TIMP2: variants seen among roughly 807,000 people sequenced by gnomAD.
TIMP2 encodes metalloproteinase inhibitor 2.
In TIMP2, 5 loss-of-function variants were observed where a neutral mutation model predicts 24.3. The ratio of observed to expected loss-of-function variants is 0.21; its 90% confidence interval spans 0.11 to 0.43. TIMP2 has a LOEUF of 0.43. Among genes scored for constraint, TIMP2 ranks in the 20% least tolerant of loss-of-function variants. The pLI is 1.00. For synonymous variants in TIMP2, 130 were observed against 123.2 expected (o/e 1.06, Z -0.37); for missense variants, 221 against 297.5 (o/e 0.74, Z 1.89).
intron 1 of TIMP2, among the ~76,000 whole-genome samples, chr17:78,903,925 GT>G (rs2070131648): frequency 6.6e-6 from 1 of 151,958 alleles, no homozygotes; most frequent in Admixed American, 6.6e-5. Flanking sequence ...GTCAAGATAT[GT>G]TTTTTGTTTG....
chr17:78,864,112 G>A (rs1236032214), intron 3 of TIMP2, among the ~76,000 whole-genome samples: 3 of 151,998 alleles, frequency 2.0e-5, no homozygotes, highest in African/African-American at 4.8e-5. Context: ...ACAGGGTCCC[G>A]CCCTGCCACC....
chr17:78,858,437 A>G (rs2069542651), intron 3 of TIMP2, among the ~76,000 whole-genome samples: 1 of 151,936 alleles, frequency 6.6e-6, no homozygotes, highest in African/African-American at 2.4e-5. Flanking sequence ...CGACAGAGCG[A>G]GACTCAGTCT....
Position 78,855,719 on chromosome 17 carries a change from T to C in TIMP2, c.611A>G (p.Tyr204Cys). 1 of 1,613,966 alleles carries C rather than the reference T, an allele frequency of 6.2e-7. No individual in the cohort carries two copies. The highest frequency in any genetic ancestry group is 8.5e-7 in the Non-Finnish European group (1 of 1,179,936). ...CTGCTTGGGGGGCGCCGCGCCGCGG[T>C]ACCACGCACAGGAGCCGTCACTTCT... ...IKRSDGSCAW[Y>C]RGAAPPKQEF... The change falls in exon 5 of 5, where the codon TAC (tyrosine) becomes TGC (cysteine). Residue 204 changes from tyrosine to cysteine, a missense_variant. Coordinates refer to ENST00000262768, the MANE Select transcript of TIMP2 (RefSeq NM_003255.5). The surrounding 1 kb of genome is among the most constrained non-coding windows in gnomAD (Gnocchi z 6.0).
In TIMP2 at chr17:78,855,186, C is replaced by A; in HGVS notation, c.*481G>T. ...GAGCACTTGCCAGGGGCAGGGAGTG[C>A]AGAGGCGTGGAAGCTGCAGAAAACA... On this transcript the variant is annotated 3_prime_UTR_variant, in exon 5 of 5. Transcript: ENST00000262768. The surrounding 1 kb of genome is among the most constrained non-coding windows in gnomAD (Gnocchi z 6.0). The A allele has an allele frequency of 5.9e-6, 1 of 170,604 alleles. No individual in the cohort carries two copies. Among genetic ancestry groups the A allele is most frequent in the Non-Finnish European group, 1.3e-5 (1 of 77,050 alleles). The allele number at this position is 170,604 out of a possible 1,614,324, so 10.6% of individuals were successfully genotyped here.
Position 78,924,626 on chromosome 17 carries a change from G to C in TIMP2, c.130+333C>G, listed in dbSNP as rs113884354. On this transcript the variant is annotated intron_variant, in intron 1 of 4. Coordinates refer to ENST00000262768, the MANE Select transcript of TIMP2 (RefSeq NM_003255.5). The surrounding 1 kb of genome is among the most constrained non-coding windows in gnomAD (Gnocchi z 5.3). ...CCCGCCCCCACGCCGTGTCCCCCAC[G>C]CTCCCCGCCCCCAGCGCTGGCATCC... is the stretch of plus-strand genomic sequence containing the variant. 6.7e-6 allele frequency among the ~76,000 whole-genome samples: 1 copy of C among 148,532 alleles called. No individual in the cohort carries two copies. Among genetic ancestry groups the C allele is most frequent in the African/African-American group, 2.4e-5 (1 of 40,880 alleles).
chr17:78,891,537 C>A lies in TIMP2; in HGVS notation c.131-17618G>T. The A allele has an allele frequency of 6.4e-7, 1 of 1,551,054 alleles. No homozygotes were observed. Among genetic ancestry groups the A allele is most frequent in the South Asian group, 1.2e-5 (1 of 84,062 alleles). On this transcript the variant is annotated intron_variant, in intron 1 of 4. Coordinates refer to ENST00000262768, the MANE Select transcript of TIMP2 (RefSeq NM_003255.5). The surrounding 1 kb of genome is among the most constrained non-coding windows in gnomAD (Gnocchi z 4.5). ...AGCGTGCACTGAGATGCTGGGGACACGGCTTCCCTTCTGCAGCTGGAATCA... is the reference window on the plus strand; with the variant it reads ...AGCGTGCACTGAGATGCTGGGGACAAGGCTTCCCTTCTGCAGCTGGAATCA...
chr17:78,894,602 A>C (rs1311069417), intron 1 of TIMP2, among the ~76,000 whole-genome samples: 1 of 152,152 alleles, frequency 6.6e-6, no homozygotes, highest in Non-Finnish European at 1.5e-5. Context: ...TTGGATATCC[A>C]CAGGCAAAAA....
intron 3 of TIMP2, among the ~76,000 whole-genome samples, chr17:78,870,137 C>T (rs954906055): frequency 1.4e-4 from 21 of 152,118 alleles, no homozygotes; most frequent in African/African-American, 2.2e-4. Flanking sequence ...AATGGTTGGC[C>T]GGGCGCGGTG....
At chr17:78,901,306 A>G (rs909546287) in intron 1 of TIMP2, 1 of 158,490 alleles carries the variant, frequency 6.3e-6, no homozygotes, top group African/African-American at 2.4e-5. Flanking sequence ...TTCAAAATCA[A>G]TAAAACCGTG....
chr17:78,923,234 G>GGAGGCAC (rs2070321280), intron 1 of TIMP2, among the ~76,000 whole-genome samples: 1 of 151,962 alleles, frequency 6.6e-6, no homozygotes, highest in African/African-American at 2.4e-5. Context: ...GAAGGAGGCG[G>GGAGGCAC]GAGGCACGCA....
intron 1 of TIMP2, among the ~76,000 whole-genome samples, chr17:78,884,899 G>A (rs2069812048): frequency 6.6e-6 from 1 of 152,232 alleles, no homozygotes; most frequent in African/African-American, 2.4e-5. Context: ...AGGGCTTGAA[G>A]GGGAAGGGAG....
intron 3 of TIMP2, among the ~76,000 whole-genome samples, chr17:78,870,167 C>A (rs2069664252): frequency 6.6e-6 from 1 of 151,888 alleles, no homozygotes; most frequent in South Asian, 2.1e-4. Flanking sequence ...TGTAATCCTG[C>A]CACTTTGGGA....
intron 1 of TIMP2, among the ~76,000 whole-genome samples, chr17:78,882,762 C>A (rs1462299443): frequency 6.6e-6 from 1 of 152,250 alleles, no homozygotes; most frequent in Non-Finnish European, 1.5e-5. Context: ...CCTCTCCCAA[C>A]GGAACTGCCC....
chr17:78,866,705 T>G (rs1490701155), intron 3 of TIMP2, among the ~76,000 whole-genome samples: 1 of 152,020 alleles, frequency 6.6e-6, no homozygotes, highest in Non-Finnish European at 1.5e-5. Context: ...GAATACTCAG[T>G]CATAGAAAGG....
intron 3 of TIMP2, among the ~76,000 whole-genome samples, chr17:78,863,036 G>A (rs957201921): frequency 1.8e-4 from 27 of 152,282 alleles, no homozygotes; most frequent in Admixed American, 3.9e-4. Flanking sequence ...GCGCAGTGCC[G>A]TTGAACGATT....
At chr17:78,886,700 G>C (rs184696161) in intron 1 of TIMP2, among the ~76,000 whole-genome samples, 26 of 152,258 alleles carry the variant, frequency 1.7e-4, no homozygotes, top group African/African-American at 5.5e-4. Flanking sequence ...AGGATAGAAA[G>C]AAACCAGGCT....
At chr17:78,923,286 C>G (rs1292677341) in intron 1 of TIMP2, among the ~76,000 whole-genome samples, 3 of 151,812 alleles carry the variant, frequency 2.0e-5, no homozygotes, top group Non-Finnish European at 4.4e-5. Flanking sequence ...CCACACCCCA[C>G]GCAGAAACAG....
chr17:78,901,794 C>T, intron 1 of TIMP2: 1 of 717,210 alleles, frequency 1.4e-6, no homozygotes, highest in Non-Finnish European at 2.6e-6. Flanking sequence ...CTGTGTGTGT[C>T]TCCAGATGAC....
chr17:78,862,108 G>A (rs984955644), intron 3 of TIMP2, among the ~76,000 whole-genome samples: 1 of 152,190 alleles, frequency 6.6e-6, no homozygotes, highest in African/African-American at 2.4e-5. Flanking sequence ...TTTTGGAGAA[G>A]AGGAATGTAG....
Sources: allele counts gnomAD v4.1 joint callset (sites outside exome capture counted in the v4.1 genomes callset), GRCh38; gene constraint gnomAD v4.1.1; non-coding constraint Gnocchi (gnomAD v3.1); transcripts MANE v1.5; gene names NCBI Gene and HGNC (gene_info 2026-07-23, HGNC 2026-07-21).